PTPRD: variants seen among roughly 807,000 people sequenced by gnomAD.
PTPRD encodes the protein receptor-type tyrosine-protein phosphatase delta.
In PTPRD, 34 loss-of-function variants were observed where a neutral mutation model predicts 214.5. The observed-to-expected ratio is 0.16, with a 90% CI of 0.12 to 0.21. PTPRD has a LOEUF of 0.21. Among genes scored for constraint, PTPRD ranks in the 10% least tolerant of loss-of-function variants. PTPRD has a pLI of 1.00. For missense variants in PTPRD, 2,545 were observed against 2,398.7 expected (o/e 1.06, Z -1.27); for synonymous variants, 1,128 against 845.7 (o/e 1.33, Z -5.79).
chr9:8,804,610 A>C (rs1600334229), intron 11 of PTPRD, among the ~76,000 whole-genome samples: 1 of 151,654 alleles, frequency 6.6e-6, no homozygotes, highest in Middle Eastern at 3.4e-3. Flanking sequence ...AAAAACAAAC[A>C]CACCCCCTCC....
chr9:10,605,421 G>A (rs751630760), intron 2 of PTPRD, among the ~76,000 whole-genome samples: 3 of 151,744 alleles, frequency 2.0e-5, no homozygotes, highest in Non-Finnish European at 2.9e-5. Flanking sequence ...AGGATAGTAC[G>A]GCGTATTTTT....
At chr9:10,233,307 A>T (rs1433715577) in intron 3 of PTPRD, among the ~76,000 whole-genome samples, 1 of 152,022 alleles carries the variant, frequency 6.6e-6, no homozygotes, top group South Asian at 2.1e-4. Flanking sequence ...CAACATTTCA[A>T]ATAATTTTCC....
chr9:8,603,371 C>G (rs1197948532), intron 14 of PTPRD, among the ~76,000 whole-genome samples: 1 of 152,184 alleles, frequency 6.6e-6, no homozygotes, highest in South Asian at 2.1e-4. Context: ...ACAGTTTAAA[C>G]TCTTGGTGTG....
chr9:8,841,953 G>A (rs550352882), intron 11 of PTPRD, among the ~76,000 whole-genome samples: 1 of 151,738 alleles, frequency 6.6e-6, no homozygotes, highest in Non-Finnish European at 1.5e-5. Flanking sequence ...AGAGGTTGCA[G>A]TGAGCAGAGA....
At chr9:9,849,907 G>T (rs73400612) in intron 5 of PTPRD, among the ~76,000 whole-genome samples, 550 of 152,208 alleles carry the variant, frequency 3.6e-3, no homozygotes, top group African/African-American at 0.013. Flanking sequence ...GAAGAGCATG[G>T]TCCTACAGCG....
chr9:9,007,739 T>TTTTTCATTGTGGTTTACATTGTGG (rs1471456602), intron 11 of PTPRD, among the ~76,000 whole-genome samples: 28 of 150,838 alleles, frequency 1.9e-4, no homozygotes, highest in African/African-American at 6.8e-4. Flanking sequence ...CCTTTTTTTT[T>TTTTTCATTGTGGTTTACATTGTGG]TTTTCATTGT....
At chr9:8,680,153 T>C (rs2097524058) in intron 12 of PTPRD, among the ~76,000 whole-genome samples, 1 of 152,040 alleles carries the variant, frequency 6.6e-6, no homozygotes, top group Non-Finnish European at 1.5e-5. Context: ...TTAAAATCTA[T>C]TTAATTAATC....
At chr9:8,444,324 T>C (rs1375181193) in intron 34 of PTPRD, among the ~76,000 whole-genome samples, 1 of 152,162 alleles carries the variant, frequency 6.6e-6, no homozygotes, top group African/African-American at 2.4e-5. Context: ...TCCATTTTTA[T>C]ATAGTTAAAT....
At chr9:9,719,823 A>G (rs201101490) in intron 7 of PTPRD, among the ~76,000 whole-genome samples, 3 of 152,124 alleles carry the variant, frequency 2.0e-5, no homozygotes, top group East Asian at 1.9e-4. Flanking sequence ...TCATCCGGAC[A>G]TTGGTCCTAC....
intron 3 of PTPRD, among the ~76,000 whole-genome samples, chr9:10,035,629 T>C (rs2097166763): frequency 6.6e-6 from 1 of 152,080 alleles, no homozygotes; most frequent in South Asian, 2.1e-4. Context: ...TGACGCTTGG[T>C]CTACCTCTCC....
intron 11 of PTPRD, among the ~76,000 whole-genome samples, chr9:8,843,683 C>T (rs2097618548): frequency 6.6e-6 from 1 of 152,146 alleles, no homozygotes; most frequent in Admixed American, 6.5e-5. Context: ...GTTCTCATCT[C>T]CTGAGTTTTG....
At chr9:9,856,008 G>C (rs1012677823) in intron 5 of PTPRD, among the ~76,000 whole-genome samples, 1 of 152,178 alleles carries the variant, frequency 6.6e-6, no homozygotes, top group African/African-American at 2.4e-5. Context: ...AAATGAGATC[G>C]CAAGAATGAG....
intron 2 of PTPRD, among the ~76,000 whole-genome samples, chr9:10,459,901 C>G (rs2098946067): frequency 6.6e-6 from 1 of 151,702 alleles, no homozygotes; most frequent in Non-Finnish European, 1.5e-5. Context: ...AGTATAGTTT[C>G]TCCTTAAATA....
intron 2 of PTPRD, among the ~76,000 whole-genome samples, chr9:10,558,709 A>C (rs1378245438): frequency 6.6e-6 from 1 of 152,216 alleles, no homozygotes; most frequent in Admixed American, 6.5e-5. Flanking sequence ...CAAGTGCTAA[A>C]TACAGTGACC....
intron 9 of PTPRD, among the ~76,000 whole-genome samples, chr9:9,232,175 G>A (rs139838230): frequency 3.1e-4 from 47 of 152,250 alleles, no homozygotes; most frequent in African/African-American, 1.0e-3. Flanking sequence ...TTTAGCACTT[G>A]TAGTGCATTA....
At chr9:10,458,696 G>C (rs1223372149) in intron 2 of PTPRD, among the ~76,000 whole-genome samples, 1 of 152,054 alleles carries the variant, frequency 6.6e-6, no homozygotes, top group East Asian at 1.9e-4. Flanking sequence ...ACAAAGAGTA[G>C]ACAAGAAAAA....
At chr9:10,080,684 A>G (rs896103839) in intron 3 of PTPRD, among the ~76,000 whole-genome samples, 6 of 152,168 alleles carry the variant, frequency 3.9e-5, no homozygotes, top group African/African-American at 7.2e-5. Context: ...CACATTGTAT[A>G]TATTTCAAAA....
chr9:9,892,899 G>C (rs148712313), intron 5 of PTPRD, among the ~76,000 whole-genome samples: 2 of 151,996 alleles, frequency 1.3e-5, no homozygotes, highest in African/African-American at 4.8e-5. Flanking sequence ...TGACTCAAAG[G>C]TTTCAGTCTG....
chr9:9,395,955 T>A (rs1332202082), intron 9 of PTPRD, among the ~76,000 whole-genome samples: 1 of 152,092 alleles, frequency 6.6e-6, no homozygotes, highest in African/African-American at 2.4e-5. Context: ...AGTATTAGAA[T>A]AATATATTTA....
Sources: allele counts gnomAD v4.1 joint callset (sites outside exome capture counted in the v4.1 genomes callset), GRCh38; gene constraint gnomAD v4.1.1; transcripts MANE v1.5; gene names NCBI Gene and HGNC (gene_info 2026-07-23, HGNC 2026-07-21).